The following DNAJC3 variants were observed in gnomAD, a reference collection of about 807,000 sequenced individuals.
DNAJC3 encodes the protein dnaJ homolog subfamily C member 3.
DNAJC3 carries 38 observed loss-of-function variants against 68.6 expected under a neutral mutation model. The ratio of observed to expected loss-of-function variants is 0.55; its 90% CI spans 0.43 to 0.73. The LOEUF (loss-of-function observed/expected upper bound fraction) is 0.73, where lower values mean the gene tolerates loss of function less well. Among genes scored for constraint, DNAJC3 ranks in the 30% least tolerant of loss-of-function variants. The probability of loss-of-function intolerance (pLI) is 0.00; values close to 1 mark genes in which losing one functional copy is unlikely to be tolerated. For missense variants in DNAJC3, 526 were observed against 591.9 expected (o/e 0.89, Z 1.16); for synonymous variants, 203 against 204.0 (o/e 1.00, Z 0.04).
intron 9 of DNAJC3, among the ~76,000 whole-genome samples, chr13:95,766,476 A>G (rs900860207): frequency 3.3e-5 from 5 of 152,224 alleles, no homozygotes; most frequent in Non-Finnish European, 7.3e-5. Context: ...GGGGTAACTC[A>G]GGTGTCCTTA....
In DNAJC3 at chr13:95,714,311, C is replaced by T. The variant is rs371770023; in HGVS notation, c.193+4974C>T. 1.3e-4 allele frequency among the ~76,000 whole-genome samples: 20 copies of T among 151,342 alleles called. No homozygotes were observed. The East Asian group carries it at 3.7e-3, about 28-fold the overall frequency. ...TCAGGAGGCTGAGGCGGGAGGACTG[C>T]TTGAGCTCAGGTGCAGTGAGCTATG... On this transcript the variant is annotated intron_variant, in intron 2 of 11. Transcript: ENST00000602402.
chr13:95,696,814 C>T (rs1007777774), intron 1 of DNAJC3, among the ~76,000 whole-genome samples: 4 of 151,782 alleles, frequency 2.6e-5, no homozygotes, highest in African/African-American at 7.3e-5. Context: ...GGCGTGATCT[C>T]GGCTCACTGC....
chr13:95,728,550 T>G (rs1338444472), intron 4 of DNAJC3, among the ~76,000 whole-genome samples: 1 of 152,226 alleles, frequency 6.6e-6, no homozygotes, highest in Non-Finnish European at 1.5e-5. Flanking sequence ...GTTTTAAATG[T>G]CCTTTATATA....
intron 9 of DNAJC3, among the ~76,000 whole-genome samples, chr13:95,774,967 C>G: frequency 6.6e-6 from 1 of 152,132 alleles, no homozygotes; most frequent in East Asian, 1.9e-4. Flanking sequence ...ATCAATATTA[C>G]TGTGATTATT....
At chr13:95,718,399 C>A (rs1881217903) in intron 2 of DNAJC3, among the ~76,000 whole-genome samples, 1 of 152,170 alleles carries the variant, frequency 6.6e-6, no homozygotes, top group Admixed American at 6.5e-5. Flanking sequence ...GTGCAGGTGA[C>A]CCCATGCCTC....
chr13:95,729,320 C>T (rs1352126669), intron 4 of DNAJC3, among the ~76,000 whole-genome samples: 3 of 126,176 alleles, frequency 2.4e-5, no homozygotes, highest in Admixed American at 1.6e-4. Flanking sequence ...TTCTCCCTCT[C>T]CCTGTCCTTT....
At chr13:95,678,717 G>C (rs1472911223) in intron 1 of DNAJC3, among the ~76,000 whole-genome samples, 2 of 151,382 alleles carry the variant, frequency 1.3e-5, no homozygotes, top group Non-Finnish European at 2.9e-5. Flanking sequence ...CCTATGTTCT[G>C]TTTAATGGTG....
intron 9 of DNAJC3, among the ~76,000 whole-genome samples, chr13:95,776,274 AAC>A (rs1288130300): frequency 6.6e-6 from 1 of 152,236 alleles, no homozygotes; most frequent in East Asian, 1.9e-4. Flanking sequence ...AATGAATTTT[AAC>A]ACAGACTTTT....
At chr13:95,755,638 T>C (rs1325343511) in intron 4 of DNAJC3, among the ~76,000 whole-genome samples, 1 of 150,782 alleles carries the variant, frequency 6.6e-6, no homozygotes, top group African/African-American at 2.4e-5. Context: ...ATGCCTGTAG[T>C]CCCAGCTACT....
In DNAJC3 at chr13:95,791,273, T is replaced by A; in HGVS notation, c.*243T>A. On this transcript the variant is annotated 3_prime_UTR_variant, in exon 12 of 12. Transcript: ENST00000602402. ...CAGCCTGCATCTGCTTTATGCTGTC[T>A]GGAGGGAAGTGGTCTGAGGCAGGCT... 2.0e-6 allele frequency: 1 copy of A among 500,754 alleles called. No individual in the cohort carries two copies. The highest frequency in any genetic ancestry group is 3.5e-6 in the Non-Finnish European group (1 of 283,098). 31.0% of individuals were successfully genotyped at this position (500,754 alleles called of 1,614,324 possible).
chr13:95,764,723 T>C (rs555045687), intron 9 of DNAJC3, among the ~76,000 whole-genome samples: 96 of 128,194 alleles, frequency 7.5e-4, no homozygotes, highest in South Asian at 2.1e-3. Context: ...TATATACACA[T>C]ATATATATAT....
At chr13:95,695,444 T>C (rs1880410050) in intron 1 of DNAJC3, 1 of 152,272 alleles carries the variant, frequency 6.6e-6, no homozygotes, top group Admixed American at 6.5e-5. Flanking sequence ...GAAGGTGTAC[T>C]GGCCCTTCTA....
Position 95,677,168 on chromosome 13 carries a change from CGGCG to C in DNAJC3, c.-79_-76del. The C allele has an allele frequency of 7.8e-7, 1 of 1,277,336 alleles. No homozygotes were observed. Among genetic ancestry groups the C allele is most frequent in the South Asian group, 1.4e-5 (1 of 72,858 alleles). The allele number at this position is 1,277,336 out of a possible 1,614,324, so 79.1% of individuals were successfully genotyped here. A position where few individuals can be genotyped will look rare whatever the true frequency, so the allele number is the denominator to read the frequency against. On this transcript the variant is annotated 5_prime_UTR_variant, in exon 1 of 12. Coordinates refer to ENST00000602402, the MANE Select transcript of DNAJC3 (RefSeq NM_006260.5). ...CCACTGAGGCCTGAGCGAGAGCCGACGGCGGGCGGGCGCAGCTGCTGCCGGAGCG... is the reference window on the plus strand; with the variant it reads ...CCACTGAGGCCTGAGCGAGAGCCGACGGCGGGCGCAGCTGCTGCCGGAGCG...
At chr13:95,691,558 C>T (rs1453794549) in intron 1 of DNAJC3, among the ~76,000 whole-genome samples, 3 of 151,784 alleles carry the variant, frequency 2.0e-5, no homozygotes, top group Admixed American at 6.6e-5. Context: ...AGAGACGCTC[C>T]TCACTTTCCA....
intron 9 of DNAJC3, among the ~76,000 whole-genome samples, chr13:95,780,896 A>G (rs1566515050): frequency 6.6e-6 from 1 of 152,188 alleles, no homozygotes; most frequent in East Asian, 1.9e-4. Context: ...CTGTGGCTAT[A>G]TTGTGAAGGA....
chr13:95,776,847 T>G (rs148075525), intron 9 of DNAJC3, among the ~76,000 whole-genome samples: 1 of 152,318 alleles, frequency 6.6e-6, no homozygotes, highest in Non-Finnish European at 1.5e-5. Context: ...CTTCAGCTGA[T>G]GTAGGTGGGA....
At chr13:95,782,209 G>A (rs1022158428) in intron 9 of DNAJC3, among the ~76,000 whole-genome samples, 5 of 152,164 alleles carry the variant, frequency 3.3e-5, no homozygotes, top group Non-Finnish European at 4.4e-5. Flanking sequence ...ATCATTGATA[G>A]ACATTTGGGT....
At chr13:95,699,045 T>C (rs1019678381) in intron 1 of DNAJC3, among the ~76,000 whole-genome samples, 1 of 152,188 alleles carries the variant, frequency 6.6e-6, no homozygotes. Context: ...GAAGGTAAGA[T>C]GAGAGCTGGG....
chr13:95,714,197 G>A (rs551251910), intron 2 of DNAJC3, among the ~76,000 whole-genome samples: 1 of 152,178 alleles, frequency 6.6e-6, no homozygotes, highest in African/African-American at 2.4e-5. Context: ...GTTCCCAGCA[G>A]TTTTTGCTGT....
Sources: gnomAD v4.1 joint callset for allele counts (sites outside exome capture counted in the v4.1 genomes callset) on GRCh38, gnomAD v4.1.1 for gene constraint, MANE v1.5 for transcripts, NCBI Gene and HGNC (gene_info 2026-07-23, HGNC 2026-07-21) for gene names.